Variants in COL21A1 observed in about 807,000 individuals in gnomAD.
The protein encoded by COL21A1 is collagen alpha-1(XXI) chain.
A neutral mutation model predicts 137.9 loss-of-function variants in COL21A1; 149 were observed. The ratio of observed to expected loss-of-function variants is 1.08; its 90% confidence interval spans 0.95 to 1.24. The LOEUF (loss-of-function observed/expected upper bound fraction) is 1.24. COL21A1 is among the 50% of genes most tolerant of loss of function. COL21A1 has a pLI of 0.00. For missense variants in COL21A1, 1,167 were observed against 1,158.4 expected, an observed-to-expected ratio of 1.01 and a Z score of -0.11; for synonymous variants, 456 against 391.5, an observed-to-expected ratio of 1.16 and a Z score of -1.95.
chr6:56,327,287 A>G (rs908343999), intron 1 of COL21A1, among the ~76,000 whole-genome samples: 1 of 151,928 alleles, frequency 6.6e-6, no homozygotes, highest in Non-Finnish European at 1.5e-5. Flanking sequence ...TTAAAAAATT[A>G]AAAATGTTAA....
At chr6:56,106,329 T>G (rs1282713072) in intron 16 of COL21A1, among the ~76,000 whole-genome samples, 1 of 152,226 alleles carries the variant, frequency 6.6e-6, no homozygotes, top group African/African-American at 2.4e-5. Context: ...AGATAATTCC[T>G]TACAACTCTG....
At chr6:56,140,176 T>C (rs900347601) in intron 12 of COL21A1, among the ~76,000 whole-genome samples, 2 of 152,190 alleles carry the variant, frequency 1.3e-5, no homozygotes, top group African/African-American at 4.8e-5. Flanking sequence ...TTTTTTAATA[T>C]TGAGGAAGTA....
At chr6:56,283,323 T>G (rs1039728956) in intron 1 of COL21A1, among the ~76,000 whole-genome samples, 30 of 152,090 alleles carry the variant, frequency 2.0e-4, no homozygotes, top group Admixed American at 8.5e-4. Flanking sequence ...TTAAAATGGT[T>G]TTTTGACAAA....
At chr6:56,085,818 G>A (rs989507196) in intron 17 of COL21A1, among the ~76,000 whole-genome samples, 2 of 151,304 alleles carry the variant, frequency 1.3e-5, no homozygotes, top group African/African-American at 4.8e-5. Context: ...GGTACTCTGT[G>A]GATCAGAGCT....
At chr6:56,366,520 T>C (rs925559464) in intron 1 of COL21A1, among the ~76,000 whole-genome samples, 3 of 152,188 alleles carry the variant, frequency 2.0e-5, no homozygotes, top group African/African-American at 7.2e-5. Context: ...AACTAAGTAG[T>C]GCCAAAAAAG....
Position 56,069,100 on chromosome 6 carries a change from C to T in COL21A1, c.2037G>A (p.Thr679=), listed in dbSNP as rs764466244. 18 of 1,599,038 alleles carry T rather than the reference C, an allele frequency of 1.1e-5. No individual in the cohort carries two copies. The highest frequency in any genetic ancestry group is 6.8e-5 in the South Asian group (6 of 88,624). ...TGTATCCTGGTTCTCCTGGGGAACCCGTTGCTCCTGGTTCTCCCTATGTAA... is the reference window on the plus strand; with the variant it reads ...TGTATCCTGGTTCTCCTGGGGAACCTGTTGCTCCTGGTTCTCCCTATGTAA... ...ASGLKGEPGA[T]GSPGEPGYMG... The change falls in exon 22 of 30, where the codon ACG becomes ACA. Residue 679 remains threonine, a synonymous_variant. Transcript: ENST00000244728.
intron 1 of COL21A1, among the ~76,000 whole-genome samples, chr6:56,392,513 A>G (rs369930159): frequency 1.3e-5 from 2 of 152,296 alleles, no homozygotes; most frequent in East Asian, 3.9e-4. Context: ...ACAAGAGAAC[A>G]AAATAAAGGG....
At chr6:56,084,435 T>G (rs896414958) in intron 17 of COL21A1, among the ~76,000 whole-genome samples, 5 of 151,912 alleles carry the variant, frequency 3.3e-5, no homozygotes, top group African/African-American at 9.7e-5. Flanking sequence ...ATAATCTCAT[T>G]AAATGAGTAA....
At chr6:56,376,207 TTAAGA>T (rs1227603844) in intron 1 of COL21A1, among the ~76,000 whole-genome samples, 3 of 152,188 alleles carry the variant, frequency 2.0e-5, no homozygotes, top group Admixed American at 6.5e-5. Context: ...AAGAGGTCTC[TTAAGA>T]TAAGGATTAA....
intron 17 of COL21A1, among the ~76,000 whole-genome samples, chr6:56,088,464 G>A (rs1263345612): frequency 4.6e-5 from 7 of 152,144 alleles, no homozygotes; most frequent in Non-Finnish European, 2.9e-5. Flanking sequence ...TTTTCAATAT[G>A]AGACAAAAAG....
intron 1 of COL21A1, among the ~76,000 whole-genome samples, chr6:56,184,187 G>A (rs1349423437): frequency 6.6e-6 from 1 of 152,092 alleles, no homozygotes; most frequent in Non-Finnish European, 1.5e-5. Context: ...AAGAACTTCA[G>A]CAAACCCCAA....
chr6:56,257,480 A>G (rs1763130152), intron 1 of COL21A1, among the ~76,000 whole-genome samples: 1 of 152,202 alleles, frequency 6.6e-6, no homozygotes. Context: ...ATATGAACAC[A>G]TAAATATAAT....
intron 1 of COL21A1, among the ~76,000 whole-genome samples, chr6:56,309,145 G>A (rs4712130): frequency 0.77 from 116,193 of 151,756 alleles, 46,115 homozygotes; most frequent in South Asian, 0.89. Flanking sequence ...CGGGTTAAGC[G>A]ATTCCCCTGC....
At chr6:56,228,781 A>G (rs1006199000) in intron 1 of COL21A1, among the ~76,000 whole-genome samples, 5 of 151,726 alleles carry the variant, frequency 3.3e-5, no homozygotes, top group African/African-American at 4.8e-5. Context: ...TTTTTAGTCC[A>G]TTAAAACTCC....
intron 1 of COL21A1, among the ~76,000 whole-genome samples, chr6:56,323,639 C>T (rs563265031): frequency 2.0e-5 from 3 of 152,226 alleles, no homozygotes; most frequent in South Asian, 4.1e-4. Context: ...CCACCCTCCT[C>T]AGCCTCCCAA....
intron 1 of COL21A1, among the ~76,000 whole-genome samples, chr6:56,309,136 G>A (rs562510264): frequency 2.4e-4 from 37 of 151,664 alleles, no homozygotes; most frequent in Non-Finnish European, 5.0e-4. Context: ...TCTGCCTCCC[G>A]GGTTAAGCGA....
At chr6:56,161,244 C>T (rs1433599189) in intron 9 of COL21A1, among the ~76,000 whole-genome samples, 3 of 152,120 alleles carry the variant, frequency 2.0e-5, no homozygotes, top group African/African-American at 7.2e-5. Flanking sequence ...AAAAATTGTC[C>T]TAACCTAAAA....
rs145018099 is a variant in COL21A1, at chr6:56,357,189, T to A, written c.-39+36782A>T. Among the ~76,000 whole-genome samples the A allele has an allele frequency of 4.8e-3, 731 of 152,344 alleles. 3 individuals carry two copies. Among genetic ancestry groups the A allele is most frequent in the Middle Eastern group, 0.014 (4 of 294 alleles). The stretch of plus-strand genomic sequence containing the variant: ...CCTTTAGTGCTATAGTTTCACTGAA[T>A]AATCCGTAAATTAGAGAAAACAGTA... On this transcript the variant is annotated intron_variant, in intron 1 of 28. Coordinates refer to the COL21A1 transcript ENST00000370819.
intron 1 of COL21A1, among the ~76,000 whole-genome samples, chr6:56,311,725 G>A (rs181593543): frequency 5.9e-5 from 9 of 152,274 alleles, no homozygotes; most frequent in Non-Finnish European, 1.2e-4. Context: ...CACTTCTTGG[G>A]ACCCATTAGG....
Sources: allele counts gnomAD v4.1 joint callset (sites outside exome capture counted in the v4.1 genomes callset), GRCh38; gene constraint gnomAD v4.1.1; transcripts MANE v1.5; gene names NCBI Gene and HGNC (gene_info 2026-07-23, HGNC 2026-07-21).